Variants in CTNNA3 observed in about 807,000 individuals in gnomAD.
CTNNA3 encodes the protein catenin alpha 3.
In CTNNA3, 76 loss-of-function variants were observed where a neutral mutation model predicts 95.7. The ratio of observed to expected loss-of-function variants is 0.79; its 90% CI spans 0.66 to 0.96. The LOEUF (loss-of-function observed/expected upper bound fraction) is 0.96, where lower values mean the gene tolerates loss of function less well. Ranked by LOEUF, CTNNA3 falls within the 40% of genes least tolerant of loss-of-function variation. The pLI is 0.00. For missense variants in CTNNA3, 1,191 were observed against 1,089.8 expected, an observed-to-expected ratio of 1.09 and a Z score of -1.31; for synonymous variants, 431 against 374.4, an observed-to-expected ratio of 1.15 and a Z score of -1.74.
At chr10:66,765,615 G>A (rs1026190116) in intron 9 of CTNNA3, among the ~76,000 whole-genome samples, 8 of 152,048 alleles carry the variant, frequency 5.3e-5, no homozygotes, top group Non-Finnish European at 1.0e-4. Flanking sequence ...ATATACTTGT[G>A]TTATTGACAT....
At chr10:66,652,953 T>A (rs1333913417) in intron 9 of CTNNA3, among the ~76,000 whole-genome samples, 1 of 152,052 alleles carries the variant, frequency 6.6e-6, no homozygotes, top group Non-Finnish European at 1.5e-5. Flanking sequence ...GCAATAAAAA[T>A]TATCAAAAAA....
At chr10:66,348,523 T>C (rs966202345) in intron 12 of CTNNA3, among the ~76,000 whole-genome samples, 1 of 152,128 alleles carries the variant, frequency 6.6e-6, no homozygotes, top group East Asian at 1.9e-4. Context: ...GGTTGAATCA[T>C]ATGAAATTAT....
At position 65,938,756 on chromosome 10, in the gene CTNNA3, C is replaced by T. The variant is rs183852650; in HGVS notation, c.2401-18139G>A. On this transcript the variant is annotated intron_variant, in intron 17 of 17. Transcript: ENST00000433211. ...AACAGTTTAGCATTGAGTTATTCTC[C>T]TTACCAACGGTGTGTGTTAGTGAGC... Among the ~76,000 whole-genome samples the T allele has an allele frequency of 5.9e-5, 9 of 152,186 alleles. No individual in the cohort carries two copies. The East Asian group carries it at 1.8e-3, about 30-fold the overall frequency.
At chr10:66,161,692 T>C (rs1008856188) in intron 13 of CTNNA3, among the ~76,000 whole-genome samples, 46 of 152,350 alleles carry the variant, frequency 3.0e-4, no homozygotes, top group Admixed American at 2.9e-3. Context: ...ATGATCTTTT[T>C]ACGATGAATT....
At chr10:66,781,341 C>A (rs1303359336) in intron 7 of CTNNA3, among the ~76,000 whole-genome samples, 5 of 152,038 alleles carry the variant, frequency 3.3e-5, no homozygotes, top group Non-Finnish European at 7.4e-5. Flanking sequence ...AAACTTAGTT[C>A]TTCTCTAAAG....
chr10:66,824,857 G>A (rs1391177502), intron 7 of CTNNA3, among the ~76,000 whole-genome samples: 2 of 152,070 alleles, frequency 1.3e-5, no homozygotes, highest in Admixed American at 1.3e-4. Flanking sequence ...AGGGGCATTA[G>A]GTAAAGACTA....
chr10:65,970,709 A>AAT (rs1480742252), intron 16 of CTNNA3, among the ~76,000 whole-genome samples: 1 of 148,088 alleles, frequency 6.8e-6, no homozygotes, highest in East Asian at 1.9e-4. Context: ...TGTATTTTAA[A>AAT]ATATATTAAA....
At chr10:66,643,712 C>T (rs941370482) in intron 9 of CTNNA3, among the ~76,000 whole-genome samples, 4 of 152,160 alleles carry the variant, frequency 2.6e-5, no homozygotes, top group Admixed American at 6.5e-5. Flanking sequence ...TACTAATTCA[C>T]TTCATTAACA....
chr10:67,500,166 T>C (rs1460898434), intron 5 of CTNNA3, among the ~76,000 whole-genome samples: 1 of 152,216 alleles, frequency 6.6e-6, no homozygotes, highest in Non-Finnish European at 1.5e-5. Context: ...AATTTATTTA[T>C]TTCTGCCTTA....
chr10:67,731,337 G>T (rs78925589), intron 1 of CTNNA3, among the ~76,000 whole-genome samples: 1 of 151,942 alleles, frequency 6.6e-6, no homozygotes, highest in African/African-American at 2.4e-5. Context: ...GGCAAATAGG[G>T]TGACACCCTG....
chr10:67,142,892 A>C (rs1320449550), intron 7 of CTNNA3, among the ~76,000 whole-genome samples: 1 of 152,130 alleles, frequency 6.6e-6, no homozygotes, highest in Non-Finnish European at 1.5e-5. Context: ...AGATCGTGCC[A>C]CTGCACTCCA....
intron 17 of CTNNA3, among the ~76,000 whole-genome samples, chr10:65,943,752 A>T (rs1457370836): frequency 6.6e-6 from 1 of 152,160 alleles, no homozygotes; most frequent in African/African-American, 2.4e-5. Context: ...ATCTTCCCCC[A>T]GTTTTATCTT....
intron 15 of CTNNA3, among the ~76,000 whole-genome samples, chr10:65,999,020 C>G (rs185914040): frequency 1.6e-3 from 246 of 152,168 alleles, no homozygotes; most frequent in Non-Finnish European, 2.3e-3. Context: ...CAATGAAAAC[C>G]TGGTCTCATA....
intron 7 of CTNNA3, among the ~76,000 whole-genome samples, chr10:67,053,606 T>G (rs1855248394): frequency 6.6e-6 from 1 of 152,184 alleles, no homozygotes; most frequent in African/African-American, 2.4e-5. Context: ...GAAGCACTTT[T>G]TGCTCTTTGA....
At chr10:66,652,502 G>C (rs1455645970) in intron 9 of CTNNA3, among the ~76,000 whole-genome samples, 1 of 151,890 alleles carries the variant, frequency 6.6e-6, no homozygotes, top group Non-Finnish European at 1.5e-5. Context: ...GTAATAAAAA[G>C]TCTCCAATCA....
intron 9 of CTNNA3, among the ~76,000 whole-genome samples, chr10:66,693,147 A>T (rs1241010693): frequency 6.6e-6 from 1 of 152,198 alleles, no homozygotes; most frequent in Admixed American, 6.5e-5. Context: ...TAGATGCTCC[A>T]ATTAAAAGAC....
At chr10:66,215,199 C>T (rs761714497) in intron 13 of CTNNA3, among the ~76,000 whole-genome samples, 55 of 152,088 alleles carry the variant, frequency 3.6e-4, no homozygotes, top group Non-Finnish European at 5.7e-4. Context: ...CACTGGATGC[C>T]ACCAGGAGGC....
chr10:66,822,971 C>T (rs1169544172), intron 7 of CTNNA3, among the ~76,000 whole-genome samples: 1 of 152,132 alleles, frequency 6.6e-6, no homozygotes, highest in Non-Finnish European at 1.5e-5. Context: ...AAGTAACAGA[C>T]AGAACAAGAA....
intron 7 of CTNNA3, among the ~76,000 whole-genome samples, chr10:66,861,680 A>C (rs919440585): frequency 6.6e-6 from 1 of 152,200 alleles, no homozygotes; most frequent in Non-Finnish European, 1.5e-5. Context: ...TACTGAGCCC[A>C]TCATATTTGT....
Sources: gnomAD v4.1 joint callset for allele counts (sites outside exome capture counted in the v4.1 genomes callset) on GRCh38, gnomAD v4.1.1 for gene constraint, MANE v1.5 for transcripts, NCBI Gene and HGNC (gene_info 2026-07-23, HGNC 2026-07-21) for gene names.